Variants in HDAC4 observed in about 807,000 individuals in gnomAD.
The protein encoded by HDAC4 is histone deacetylase 4, also known as histone deacetylase A.
A neutral mutation model predicts 135.1 loss-of-function variants in HDAC4; 16 were observed. The observed-to-expected ratio is 0.12, with a 90% CI of 0.08 to 0.18. HDAC4 has a LOEUF of 0.18. Ranked by LOEUF, HDAC4 falls within the 10% of genes least tolerant of loss-of-function variation. The pLI, the probability that HDAC4 is intolerant of heterozygous loss-of-function variation, is 1.00. For synonymous variants in HDAC4, 685 were observed against 653.4 expected, an observed-to-expected ratio of 1.05 and a Z score of -0.74; for missense variants, 1,143 against 1,511.8, an observed-to-expected ratio of 0.76 and a Z score of 4.05.
chr2:239,386,391 G>A (rs1695810474), intron 1 of HDAC4, among the ~76,000 whole-genome samples: 1 of 152,206 alleles, frequency 6.6e-6, no homozygotes. Flanking sequence ...AGATGAGTGT[G>A]TCCCAACCAC....
At chr2:239,347,839 T>C (rs553353848) in intron 2 of HDAC4, among the ~76,000 whole-genome samples, 2 of 152,240 alleles carry the variant, frequency 1.3e-5, no homozygotes, top group Non-Finnish European at 2.9e-5. Context: ...GAACTAAACA[T>C]TATCCGTACC....
At chr2:239,190,153 AC>A in intron 3 of HDAC4, 76 bp from the exon 4 acceptor site, 1 of 1,161,008 alleles carries the variant, frequency 8.6e-7, no homozygotes, top group Non-Finnish European at 1.2e-6. Flanking sequence ...CCCACCCAAC[AC>A]ACTGGCCACC....
At chr2:239,365,601 C>A (rs1575755706) in intron 1 of HDAC4, among the ~76,000 whole-genome samples, 1 of 152,264 alleles carries the variant, frequency 6.6e-6, no homozygotes, top group African/African-American at 2.4e-5. Flanking sequence ...CACACTTGCA[C>A]AGGCCAGGGT....
Position 239,115,114 on chromosome 2 carries a change from G to T in HDAC4, c.1730C>A (p.Pro577His). 6.2e-7 allele frequency: 1 copy of T among 1,611,838 alleles called. No homozygotes were observed. Residue 577 changes from proline to histidine, a missense_variant, in exon 13 of 27, where the codon CCC (proline) becomes CAC (histidine). This residue lies in a region of HDAC4 where 196 missense variants were observed against 210.7 expected (regional missense o/e 0.93). Coordinates refer to ENST00000543185, the MANE Select transcript of HDAC4 (RefSeq NM_001378414.1). The surrounding 1 kb of genome is among the most constrained non-coding windows in gnomAD (Gnocchi z 6.3). ...CTGGCCCGGCTCCACCTCCCGTGGG[G>T]GCTCTGCCTCTTCCTCATCGCTCTC... ...PIESDEEEAE[P>H]PREVEPGQRQ...
At chr2:239,246,485 G>C (rs867715981) in intron 2 of HDAC4, among the ~76,000 whole-genome samples, 1 of 152,216 alleles carries the variant, frequency 6.6e-6, no homozygotes, top group East Asian at 1.9e-4. Context: ...TCCTGGCACC[G>C]AGCATAGAGC....
intron 2 of HDAC4, among the ~76,000 whole-genome samples, chr2:239,346,697 CACCCTAACACACACAT>C (rs1463795622): frequency 1.3e-5 from 2 of 151,608 alleles, no homozygotes; most frequent in Non-Finnish European, 2.9e-5. Flanking sequence ...CTAAAACACA[CACCCTAACACACACAT>C]ACCCTAACAC....
At chr2:239,111,237 C>T (rs916751744) in intron 14 of HDAC4, among the ~76,000 whole-genome samples, 4 of 152,360 alleles carry the variant, frequency 2.6e-5, no homozygotes, top group Non-Finnish European at 2.9e-5. Context: ...CATGGCCCCA[C>T]GGGCATGGGC....
intron 8 of HDAC4, chr2:239,140,890 C>T (rs757514416): frequency 4.4e-6 from 2 of 454,472 alleles, no homozygotes; most frequent in Non-Finnish European, 9.2e-6. Flanking sequence ...GGTATCCACG[C>T]CTGCTGGAGG....
chr2:239,261,109 T>C (rs1295311730), intron 2 of HDAC4, among the ~76,000 whole-genome samples: 1 of 152,168 alleles, frequency 6.6e-6, no homozygotes, highest in East Asian at 1.9e-4. Context: ...TCTTGCTACA[T>C]TGCCCAGGCT....
chr2:239,382,649 G>C (rs953888284), intron 1 of HDAC4, among the ~76,000 whole-genome samples: 2 of 152,152 alleles, frequency 1.3e-5, no homozygotes, highest in Non-Finnish European at 2.9e-5. Context: ...ACAGCCCAGG[G>C]GTCCTGTGGG....
At chr2:239,168,267 C>A (rs914231508) in intron 5 of HDAC4, among the ~76,000 whole-genome samples, 2 of 152,166 alleles carry the variant, frequency 1.3e-5, no homozygotes, top group African/African-American at 4.8e-5. Flanking sequence ...TGAGAGAAAG[C>A]GGGGCTGTAT....
chr2:239,090,191 G>A (rs2036376826), intron 17 of HDAC4, 75 bp from the exon 18 acceptor site: 2 of 1,091,972 alleles, frequency 1.8e-6, no homozygotes, highest in Non-Finnish European at 1.4e-6. Flanking sequence ...GGGCAGAGCA[G>A]CTCAGGTTCC....
intron 1 of HDAC4, among the ~76,000 whole-genome samples, chr2:239,375,080 T>C (rs1428626514): frequency 6.6e-6 from 1 of 152,176 alleles, no homozygotes; most frequent in African/African-American, 2.4e-5. Context: ...CGCAGGGGTC[T>C]GATGGGTCAG....
rs142844811 is a variant in HDAC4 at position 239,071,673 on chromosome 2, G to C, written c.2751-3066C>G. 1.6e-3 allele frequency among the ~76,000 whole-genome samples: 251 copies of C among 152,194 alleles called. 1 individual carries two copies. The highest frequency in any genetic ancestry group is 5.4e-3 in the African/African-American group (223 of 41,528). On this transcript the variant is annotated intron_variant, in intron 22 of 26. Transcript: ENST00000543185. ...GTGGTTGTGCCTTGTCTTCAGGATG[G>C]TCCTGGGAAAGCCGTGCTCCATCTC... is the stretch of plus-strand genomic sequence containing the variant.
intron 1 of HDAC4, among the ~76,000 whole-genome samples, chr2:239,371,053 C>G (rs1694573599): frequency 6.6e-6 from 1 of 152,226 alleles, no homozygotes; most frequent in Non-Finnish European, 1.5e-5. Context: ...CTCCTCAGCT[C>G]CTGGCAGCCA....
chr2:239,075,933 G>A (rs1007182282), intron 22 of HDAC4, among the ~76,000 whole-genome samples: 1 of 151,964 alleles, frequency 6.6e-6, no homozygotes, highest in Non-Finnish European at 1.5e-5. Flanking sequence ...GACAGAGCTG[G>A]GTTGGGACAG....
chr2:239,308,775 C>T lies in HDAC4; in HGVS notation c.22+43903G>A, dbSNP rs1387579858. On this transcript the variant is annotated intron_variant, in intron 2 of 26. Transcript: ENST00000543185. This position sits in a 1 kb window ranked among gnomAD's most constrained non-coding sequence, Gnocchi z 4.2. ...TGCTGTCCGCCAGCGCCCTCACTCC[C>T]CCAGGGCCTGTACCTGTAGCAGGAG... Among the ~76,000 whole-genome samples the T allele has an allele frequency of 6.6e-6, 1 of 152,182 alleles. No homozygotes were observed. Among genetic ancestry groups the T allele is most frequent in the Non-Finnish European group, 1.5e-5 (1 of 68,042 alleles).
rs1293325275 is a variant in HDAC4, at chr2:239,050,067, T to A, written c.*3030A>T. On this transcript the variant is annotated 3_prime_UTR_variant, in exon 27 of 27. Coordinates refer to ENST00000543185, the MANE Select transcript of HDAC4 (RefSeq NM_001378414.1). ...CGCCTGCAGACGCCGAGGCAGATCCTCTGCCATCTGCCCTGGACGCTTGCT... is the reference window on the plus strand; with the variant it reads ...CGCCTGCAGACGCCGAGGCAGATCCACTGCCATCTGCCCTGGACGCTTGCT... 1 of 152,622 alleles carries A rather than the reference T, an allele frequency of 6.6e-6. No homozygotes were observed. Among genetic ancestry groups the A allele is most frequent in the Non-Finnish European group, 1.5e-5 (1 of 68,078 alleles). The allele number at this position is 152,622 out of a possible 1,614,324, so 9.5% of individuals were successfully genotyped here.
chr2:239,331,060 G>A lies in HDAC4; in HGVS notation c.22+21618C>T, dbSNP rs1691538160. ...CCCGAAATTCGGAGTGGGGAGGAAG[G>A]CAGATATGCCTGAATACAGCCCAGA... On this transcript the variant is annotated intron_variant, in intron 2 of 26. Coordinates refer to ENST00000543185, the MANE Select transcript of HDAC4 (RefSeq NM_001378414.1). The surrounding 1 kb of genome is among the most constrained non-coding windows in gnomAD (Gnocchi z 4.5). 6.6e-6 allele frequency among the ~76,000 whole-genome samples: 1 copy of A among 152,194 alleles called. No individual in the cohort carries two copies. Among genetic ancestry groups the A allele is most frequent in the South Asian group, 2.1e-4 (1 of 4,832 alleles).
Sources: gnomAD v4.1 joint callset for allele counts (sites outside exome capture counted in the v4.1 genomes callset) on GRCh38, gnomAD v4.1.1 for gene constraint, gnomAD v4.1.1 regional missense constraint, Gnocchi (gnomAD v3.1) non-coding constraint, MANE v1.5 for transcripts, NCBI Gene and HGNC (gene_info 2026-07-23, HGNC 2026-07-21) for gene names.